The following THSD7A variants were observed in gnomAD, a reference collection of about 807,000 sequenced individuals.
THSD7A encodes thrombospondin type 1 domain containing 7A, also known as thrombospondin type-1 domain-containing protein 7A.
In THSD7A, 96 loss-of-function variants were observed where a neutral mutation model predicts 231.3. The observed-to-expected ratio is 0.41, with a 90% CI of 0.35 to 0.49. The LOEUF (loss-of-function observed/expected upper bound fraction) is 0.49. Ranked by LOEUF, THSD7A falls within the 20% of genes least tolerant of loss-of-function variation. The pLI, the probability that THSD7A is intolerant of heterozygous loss-of-function variation, is 0.05. For missense variants in THSD7A, 2,290 were observed against 2,070.2 expected, an observed-to-expected ratio of 1.11 and a Z score of -2.06; for synonymous variants, 940 against 743.3, an observed-to-expected ratio of 1.26 and a Z score of -4.30.
intron 1 of THSD7A, among the ~76,000 whole-genome samples, chr7:11,706,291 G>A (rs1019016837): frequency 6.6e-6 from 1 of 150,812 alleles, no homozygotes. Flanking sequence ...TTGTCTGTGA[G>A]TGCACACTAC....
chr7:11,517,561 T>C (rs1173332263), intron 6 of THSD7A, among the ~76,000 whole-genome samples: 2 of 152,120 alleles, frequency 1.3e-5, no homozygotes, highest in Admixed American at 1.3e-4. Context: ...CAGCATATCA[T>C]AATATTTTGA....
rs986837826 is a variant in THSD7A, at chr7:11,411,703, G to A, written c.3683-381C>T. Among the ~76,000 whole-genome samples, 1 of 151,994 alleles carries A rather than the reference G, an allele frequency of 6.6e-6. No homozygotes were observed. Among genetic ancestry groups the A allele is most frequent in the Non-Finnish European group, 1.5e-5 (1 of 68,010 alleles). On this transcript the variant is annotated intron_variant, in intron 18 of 27. Transcript: ENST00000423059. The surrounding 1 kb of genome is among the most constrained non-coding windows in gnomAD (Gnocchi z 4.1). ...CCAAATAATCATAATTGTGACAGAC[G>A]GTACTTTAACTGTGTAGTTATATTC...
intron 2 of THSD7A, among the ~76,000 whole-genome samples, chr7:11,628,726 A>C (rs1781554520): frequency 6.6e-6 from 1 of 152,200 alleles, no homozygotes; most frequent in African/African-American, 2.4e-5. Context: ...TGTTGAATGA[A>C]AAGGTAAATA....
chr7:11,559,081 G>T (rs532916160), intron 4 of THSD7A, among the ~76,000 whole-genome samples: 1 of 152,284 alleles, frequency 6.6e-6, no homozygotes, highest in Admixed American at 6.5e-5. Flanking sequence ...GTGATTCCTA[G>T]AAGCTGGGAA....
At chr7:11,567,005 T>C (rs1790370685) in intron 4 of THSD7A, among the ~76,000 whole-genome samples, 1 of 131,958 alleles carries the variant, frequency 7.6e-6, no homozygotes, top group Non-Finnish European at 1.5e-5. Context: ...AAAGTTGTTG[T>C]TCCTGTTTAT....
chr7:11,663,539 T>C (rs1199112403), intron 1 of THSD7A, among the ~76,000 whole-genome samples: 2 of 151,596 alleles, frequency 1.3e-5, no homozygotes, highest in Admixed American at 6.6e-5. Context: ...TATGAGCTTA[T>C]GTTGTAGAGT....
Position 11,447,292 on chromosome 7 carries a change from G to T in THSD7A, c.2738C>A (p.Ser913Tyr). ...GTCTCCATTGCATGAAGAAAACTTG[G>T]ACCAGCTGGTCAATTGACAGTCATC... ...CQDDCQLTSW[S>Y]KFSSCNGDCG... Residue 913 changes from serine to tyrosine, a missense_variant, in exon 12 of 28, where the codon TCC becomes TAC. By Grantham distance (144) the Ser-to-Tyr change is moderately radical (BLOSUM62 -2). Transcript: ENST00000423059. The T allele has an allele frequency of 6.2e-7, 1 of 1,613,022 alleles. No homozygotes were observed. Among genetic ancestry groups the T allele is most frequent in the Non-Finnish European group, 8.5e-7 (1 of 1,179,464 alleles).
chr7:11,742,867 T>C (rs925883602), intron 1 of THSD7A, among the ~76,000 whole-genome samples: 6 of 151,910 alleles, frequency 3.9e-5, no homozygotes, highest in African/African-American at 1.4e-4. Context: ...AATGGCTGTC[T>C]TTTGTGGCAT....
chr7:11,404,147 T>C (rs1034380843), intron 22 of THSD7A, among the ~76,000 whole-genome samples: 1 of 152,190 alleles, frequency 6.6e-6, no homozygotes, highest in African/African-American at 2.4e-5. Context: ...TTATATATTA[T>C]ATATTATTGT....
intron 6 of THSD7A, among the ~76,000 whole-genome samples, chr7:11,500,341 C>T (rs565753164): frequency 4.5e-4 from 69 of 152,250 alleles, no homozygotes; most frequent in South Asian, 2.3e-3. Flanking sequence ...GGAAAGACCA[C>T]TACCAGCTAA....
chr7:11,429,570 A>G (rs182083312), intron 13 of THSD7A, among the ~76,000 whole-genome samples: 4 of 152,346 alleles, frequency 2.6e-5, no homozygotes, highest in African/African-American at 7.2e-5. Context: ...CTTTCACTCA[A>G]TACCCAAAAG....
At chr7:11,501,663 C>T (rs1365785776) in intron 6 of THSD7A, among the ~76,000 whole-genome samples, 1 of 152,038 alleles carries the variant, frequency 6.6e-6, no homozygotes, top group African/African-American at 2.4e-5. Flanking sequence ...CACTAAAATG[C>T]CCACATCAAA....
intron 1 of THSD7A, among the ~76,000 whole-genome samples, chr7:11,795,608 T>C (rs1784101216): frequency 6.6e-6 from 1 of 152,064 alleles, no homozygotes; most frequent in African/African-American, 2.4e-5. Context: ...AGATATTTAC[T>C]TATAATTCAA....
At chr7:11,537,156 G>C (rs1788947461) in intron 6 of THSD7A, among the ~76,000 whole-genome samples, 1 of 152,126 alleles carries the variant, frequency 6.6e-6, no homozygotes, top group South Asian at 2.1e-4. Context: ...AACTACTTGG[G>C]AAAGAAATAG....
Position 11,814,262 on chromosome 7 carries a change from G to A in THSD7A, c.190+17495C>T, listed in dbSNP as rs1784615874. Reference sequence around the variant, plus strand: ...ATTGAATTGTATGCTTTAAATGGGTGATTGCATGCTACGTGCATTCTATCA... The same window carrying A: ...ATTGAATTGTATGCTTTAAATGGGTAATTGCATGCTACGTGCATTCTATCA... On this transcript the variant is annotated intron_variant, in intron 1 of 27. Coordinates refer to ENST00000423059, the MANE Select transcript of THSD7A (RefSeq NM_015204.3). The surrounding 1 kb of genome is among the most constrained non-coding windows in gnomAD (Gnocchi z 5.1). 6.6e-6 allele frequency among the ~76,000 whole-genome samples: 1 copy of A among 152,146 alleles called. No individual in the cohort carries two copies. The highest frequency in any genetic ancestry group is 1.9e-4 in the East Asian group (1 of 5,190).
At chr7:11,466,371 C>A (rs1785705306) in intron 9 of THSD7A, among the ~76,000 whole-genome samples, 1 of 152,048 alleles carries the variant, frequency 6.6e-6, no homozygotes, top group South Asian at 2.1e-4. Context: ...AAAAAACTAA[C>A]CTCATGCCAT....
In THSD7A at chr7:11,632,946, G is replaced by T. The variant is rs553269281; in HGVS notation, c.1022+3184C>A. ...TTTCATATAGTAATGTCCTTTGTTTGCATATCCATTATCTCTTTTAAAAAT... is the reference window on the plus strand; with the variant it reads ...TTTCATATAGTAATGTCCTTTGTTTTCATATCCATTATCTCTTTTAAAAAT... On this transcript the variant is annotated intron_variant, in intron 2 of 27. Transcript: ENST00000423059. The surrounding 1 kb of genome is among the most constrained non-coding windows in gnomAD (Gnocchi z 4.1). Among the ~76,000 whole-genome samples, 1 of 152,060 alleles carries T rather than the reference G, an allele frequency of 6.6e-6. No individual in the cohort carries two copies. Among genetic ancestry groups the T allele is most frequent in the South Asian group, 2.1e-4 (1 of 4,820 alleles).
intron 1 of THSD7A, among the ~76,000 whole-genome samples, chr7:11,701,576 G>T (rs1584234206): frequency 2.0e-5 from 3 of 150,706 alleles, no homozygotes; most frequent in African/African-American, 7.3e-5. Context: ...CAAAAACTGT[G>T]TTTTTTTTCT....
intron 6 of THSD7A, among the ~76,000 whole-genome samples, chr7:11,513,183 T>A (rs73286813): frequency 0.039 from 5,901 of 151,352 alleles, 401 homozygotes; most frequent in African/African-American, 0.13. Flanking sequence ...GTGCCAGGGA[T>A]AAAAGACAAC....
Sources: allele counts gnomAD v4.1 joint callset (sites outside exome capture counted in the v4.1 genomes callset), GRCh38; gene constraint gnomAD v4.1.1; non-coding constraint Gnocchi (gnomAD v3.1); transcripts MANE v1.5; gene names NCBI Gene and HGNC (gene_info 2026-07-23, HGNC 2026-07-21).